The following TBC1D2 variants were observed in gnomAD, a reference collection of about 807,000 sequenced individuals.
The protein encoded by TBC1D2 is TBC1 domain family member 2, also known as TBC1 domain family member 2A.
TBC1D2 carries 58 observed loss-of-function variants against 91.1 expected under a neutral mutation model. The observed-to-expected ratio is 0.64, with a 90% CI of 0.52 to 0.79. The LOEUF (loss-of-function observed/expected upper bound fraction) is 0.79, where lower values mean the gene tolerates loss of function less well. Ranked by LOEUF, TBC1D2 falls within the 30% of genes least tolerant of loss-of-function variation. The pLI, the probability that TBC1D2 is intolerant of heterozygous loss-of-function variation, is 0.00. For synonymous variants in TBC1D2, 482 were observed against 511.5 expected, an observed-to-expected ratio of 0.94 and a Z score of 0.78; for missense variants, 1,080 against 1,208.3, an observed-to-expected ratio of 0.89 and a Z score of 1.57.
At chr9:98,209,489 G>C (rs1588033559) in intron 8 of TBC1D2, among the ~76,000 whole-genome samples, 1 of 152,288 alleles carries the variant, frequency 6.6e-6, no homozygotes, top group Middle Eastern at 3.4e-3. Flanking sequence ...TTAGGCCCAA[G>C]GAGTCCTGCA....
chr9:98,208,025 G>A (rs7045430), intron 9 of TBC1D2, among the ~76,000 whole-genome samples: 3,548 of 152,248 alleles, frequency 0.023, 151 homozygotes, highest in African/African-American at 0.08. Context: ...CACTGAAAGC[G>A]AATGATTCCT....
At chr9:98,224,893 T>C (rs1023146216) in intron 5 of TBC1D2, among the ~76,000 whole-genome samples, 1 of 152,062 alleles carries the variant, frequency 6.6e-6, no homozygotes, top group Non-Finnish European at 1.5e-5. Flanking sequence ...AGCTTTCTCA[T>C]GAATGGGGCT....
rs116144032 is a variant in TBC1D2, at chr9:98,237,107, C to T, written c.648-3558G>A. ...ATCTCAGCACCTTGGGAGGTCAAGG[C>T]GAGTGGATTGCTTGAGGCCAGGAGC... On this transcript the variant is annotated intron_variant, in intron 3 of 12. Coordinates refer to ENST00000465784, the MANE Select transcript of TBC1D2 (RefSeq NM_001267571.2). Among the ~76,000 whole-genome samples the T allele has an allele frequency of 2.5e-3, 375 of 152,090 alleles. 4 individuals carry two copies. Among genetic ancestry groups the T allele is most frequent in the African/African-American group, 8.7e-3 (360 of 41,504 alleles).
At chr9:98,237,064 C>G (rs1229013005) in intron 3 of TBC1D2, among the ~76,000 whole-genome samples, 1 of 152,042 alleles carries the variant, frequency 6.6e-6, no homozygotes, top group African/African-American at 2.4e-5. Flanking sequence ...TGGCCGGGTG[C>G]AGTGGCTCAC....
At chr9:98,239,935 C>T (rs1829595523) in intron 3 of TBC1D2, among the ~76,000 whole-genome samples, 2 of 152,222 alleles carry the variant, frequency 1.3e-5, no homozygotes, top group South Asian at 4.2e-4. Flanking sequence ...CCATTTTCAT[C>T]TAAGTTATCA....
rs1321675848 is a variant in TBC1D2, at chr9:98,228,684, A to C, written c.978+268T>G. Among the ~76,000 whole-genome samples, 1 of 152,170 alleles carries C rather than the reference A, an allele frequency of 6.6e-6. No homozygotes were observed. Among genetic ancestry groups the C allele is most frequent in the African/African-American group, 2.4e-5 (1 of 41,426 alleles). ...TTCTGGGTAGGGGGTGAGACCATGCATGGCCCTCCAGGAGGGGTCCAAGAG... is the reference window on the plus strand; with the variant it reads ...TTCTGGGTAGGGGGTGAGACCATGCCTGGCCCTCCAGGAGGGGTCCAAGAG... On this transcript the variant is annotated intron_variant, in intron 5 of 12. Transcript: ENST00000465784. This position sits in a 1 kb window ranked among gnomAD's most constrained non-coding sequence, Gnocchi z 4.0.
chr9:98,209,278 G>A, intron 8 of TBC1D2, 134 bp from the exon 9 acceptor site: 1 of 799,104 alleles, frequency 1.3e-6, no homozygotes, highest in South Asian at 1.6e-5. Flanking sequence ...CTCTGGGCAG[G>A]TCACTTCAGT....
chr9:98,227,555 G>A (rs1438071261), intron 5 of TBC1D2, among the ~76,000 whole-genome samples: 2 of 151,974 alleles, frequency 1.3e-5, no homozygotes, highest in South Asian at 4.2e-4. Context: ...TCAGGAGTTC[G>A]AAACCAGCCT....
At position 98,223,966 on chromosome 9, in the gene TBC1D2, A is replaced by G. The variant is rs530367511; in HGVS notation, c.979-2738T>C. On this transcript the variant is annotated intron_variant, in intron 5 of 12. Coordinates refer to ENST00000465784, the MANE Select transcript of TBC1D2 (RefSeq NM_001267571.2). ...TGTAATCCCAGCACTTTGGGAGGCC[A>G]AGGCGGTCGGATCACGAGGTCAGGA... Among the ~76,000 whole-genome samples, 16 of 152,210 alleles carry G rather than the reference A, an allele frequency of 1.1e-4. No homozygotes were observed. The East Asian group carries it at 1.2e-3, about 11-fold the overall frequency.
chr9:98,232,342 G>GTGTTTTTTTTTTTTTTTTTT (rs1829390750), intron 4 of TBC1D2, among the ~76,000 whole-genome samples: 1 of 86,772 alleles, frequency 1.2e-5, no homozygotes, highest in East Asian at 3.1e-4. Flanking sequence ...CTCTTTTTCT[G>GTGTTTTTTTTTTTTTTTTTT]TTTTTTTTTT....
intron 4 of TBC1D2, among the ~76,000 whole-genome samples, chr9:98,231,948 CAT>C (rs1829379777): frequency 6.6e-6 from 1 of 152,074 alleles, no homozygotes; most frequent in South Asian, 2.1e-4. Flanking sequence ...CAGGCACAGC[CAT>C]AGAGAAAGAA....
intron 11 of TBC1D2, among the ~76,000 whole-genome samples, 170 bp downstream of exon 11, chr9:98,201,309 C>T (rs541210756): frequency 6.6e-6 from 1 of 152,360 alleles, no homozygotes; most frequent in African/African-American, 2.4e-5. Flanking sequence ...GGCAGAACCA[C>T]TACTTCTCAT....
chr9:98,212,881 T>A (rs1191293104), intron 7 of TBC1D2, among the ~76,000 whole-genome samples: 2 of 152,318 alleles, frequency 1.3e-5, no homozygotes, highest in East Asian at 3.9e-4. Context: ...CTTATTGGTC[T>A]TGATGTCCCT....
intron 1 of TBC1D2, among the ~76,000 whole-genome samples, chr9:98,252,633 G>A (rs1256013526): frequency 6.6e-6 from 1 of 152,182 alleles, no homozygotes; most frequent in African/African-American, 2.4e-5. Context: ...TTCTACAGAT[G>A]GAGAAACTAA....
chr9:98,226,360 T>C (rs1203889038), intron 5 of TBC1D2, among the ~76,000 whole-genome samples: 1 of 152,082 alleles, frequency 6.6e-6, no homozygotes, highest in Non-Finnish European at 1.5e-5. Flanking sequence ...CAGGAAGAGA[T>C]TGACATGGAG....
chr9:98,199,281 G>A lies in TBC1D2; in HGVS notation c.*100C>T. On this transcript the variant is annotated 3_prime_UTR_variant, in exon 13 of 13. Coordinates refer to ENST00000465784, the MANE Select transcript of TBC1D2 (RefSeq NM_001267571.2). ...GAAGGGACATGTCCAAGGTCACATG[G>A]TGATGGGACACCCAGGGCTGGGCCA... is the stretch of plus-strand genomic sequence containing the variant. The A allele has an allele frequency of 3.0e-6, 4 of 1,318,492 alleles. No homozygotes were observed. Among genetic ancestry groups the A allele is most frequent in the Non-Finnish European group, 4.3e-6 (4 of 932,340 alleles). The allele number at this position is 1,318,492 out of a possible 1,614,324, so 81.7% of individuals were successfully genotyped here.
intron 5 of TBC1D2, among the ~76,000 whole-genome samples, chr9:98,227,697 G>T (rs191921541): frequency 6.6e-6 from 1 of 151,488 alleles, no homozygotes; most frequent in Non-Finnish European, 1.5e-5. Flanking sequence ...CAGGAGAATC[G>T]CTTGAACCCG....
In TBC1D2 at chr9:98,244,264, C is replaced by T. The variant is rs560841546; in HGVS notation, c.512-135G>A. 3.9e-5 allele frequency: 46 copies of T among 1,168,752 alleles called. No individual in the cohort carries two copies. The South Asian group carries it at 5.9e-4, about 15-fold the overall frequency. 72.4% of individuals were successfully genotyped at this position (1,168,752 alleles called of 1,614,324 possible). A position where few individuals can be genotyped will look rare whatever the true frequency, so the allele number is the denominator to read the frequency against. Reference sequence around the variant, plus strand: ...GAGTTGCAGGGGCAAGCAGGCCCTCCCTGTAGGTTAACAGCAGCAAAATAG... The same window carrying T: ...GAGTTGCAGGGGCAAGCAGGCCCTCTCTGTAGGTTAACAGCAGCAAAATAG... On this transcript the variant is annotated intron_variant, in intron 2 of 12. Coordinates refer to ENST00000465784, the MANE Select transcript of TBC1D2 (RefSeq NM_001267571.2).
chr9:98,242,971 G>A (rs547509510), intron 3 of TBC1D2, among the ~76,000 whole-genome samples: 1 of 151,882 alleles, frequency 6.6e-6, no homozygotes, highest in South Asian at 2.1e-4. Flanking sequence ...TGTAGAGGCA[G>A]GGTCTCAGAA....
Sources: allele counts gnomAD v4.1 joint callset (sites outside exome capture counted in the v4.1 genomes callset), GRCh38; gene constraint gnomAD v4.1.1; non-coding constraint Gnocchi (gnomAD v3.1); transcripts MANE v1.5; gene names NCBI Gene and HGNC (gene_info 2026-07-23, HGNC 2026-07-21).